ARHGAP17: variants seen among roughly 807,000 people sequenced by gnomAD.
ARHGAP17 encodes Rho GTPase activating protein 17, also known as rho GTPase-activating protein 17.
In ARHGAP17, 57 loss-of-function variants were observed where a neutral mutation model predicts 99.5. The observed-to-expected ratio is 0.57, with a 90% CI of 0.46 to 0.71. ARHGAP17 has a LOEUF of 0.71. Among genes scored for constraint, ARHGAP17 ranks in the 30% least tolerant of loss-of-function variants. The pLI is 0.00. For missense variants in ARHGAP17, 1,000 were observed against 1,122.4 expected, an observed-to-expected ratio of 0.89 and a Z score of 1.56; for synonymous variants, 417 against 429.6, an observed-to-expected ratio of 0.97 and a Z score of 0.36.
chr16:24,996,881 T>C (rs1226236176), intron 1 of ARHGAP17, among the ~76,000 whole-genome samples: 2 of 151,406 alleles, frequency 1.3e-5, no homozygotes, highest in African/African-American at 2.4e-5. Context: ...AGGCCAGGAG[T>C]TGGAGACAAG....
intron 1 of ARHGAP17, among the ~76,000 whole-genome samples, chr16:25,009,473 G>A (rs372390944): frequency 3.3e-5 from 5 of 152,078 alleles, no homozygotes; most frequent in East Asian, 1.9e-4. Context: ...TGCTGGCAAC[G>A]TAAGGATAAG....
Position 24,935,503 on chromosome 16 carries a change from C to T in ARHGAP17, c.1861G>A (p.Ala621Thr). 1 of 1,611,288 alleles carries T rather than the reference C, an allele frequency of 6.2e-7. No individual in the cohort carries two copies. The change falls in exon 18 of 20, where the codon GCT becomes ACT. Residue 621 changes from alanine (A) to threonine (T), a missense_variant. Physicochemically the swap from Ala to Thr is moderately conservative, Grantham distance 58. Around this residue, in one of 2 missense-constraint regions of ARHGAP17, gnomAD observed 528 missense variants for 511.4 expected, o/e 1.03. Transcript: ENST00000289968. The stretch of plus-strand genomic sequence containing the variant: ...AGTGTATGCGGGCTGGGCCCTGCAG[C>T]ATTGTGAGGTTGGCCCATGGAGAGC... ...HQLSMGQPHN[A>T]AGPSPHTLRR... is the part of the protein sequence containing the mutation.
chr16:24,926,714 CACAG>C (rs1424373046), intron 19 of ARHGAP17, among the ~76,000 whole-genome samples: 2 of 152,244 alleles, frequency 1.3e-5, no homozygotes, highest in Non-Finnish European at 2.9e-5. Flanking sequence ...ACTAACGCCT[CACAG>C]ACAGTCTCAG....
chr16:25,007,870 T>C (rs559639422), intron 1 of ARHGAP17, among the ~76,000 whole-genome samples: 1 of 152,316 alleles, frequency 6.6e-6, no homozygotes, highest in East Asian at 1.9e-4. Context: ...GTAGCTTCAC[T>C]ACTCCCACGT....
intron 1 of ARHGAP17, among the ~76,000 whole-genome samples, chr16:25,002,319 A>C (rs2053382536): frequency 6.6e-6 from 1 of 151,992 alleles, no homozygotes; most frequent in Non-Finnish European, 1.5e-5. Context: ...CAGCCCAAAC[A>C]TGGTGTTCAA....
chr16:25,012,498 C>T (rs778210459), intron 1 of ARHGAP17, among the ~76,000 whole-genome samples: 15 of 152,210 alleles, frequency 9.9e-5, no homozygotes, highest in Non-Finnish European at 1.8e-4. Context: ...ACCTAGATCG[C>T]AGGGGCGAAA....
At chr16:24,982,957 T>C (rs1473709991) in intron 1 of ARHGAP17, among the ~76,000 whole-genome samples, 4 of 124,072 alleles carry the variant, frequency 3.2e-5, no homozygotes, top group Non-Finnish European at 6.7e-5. Context: ...AAATAATACT[T>C]GATAAATCAT....
intron 1 of ARHGAP17, among the ~76,000 whole-genome samples, chr16:25,007,356 C>T (rs1041918193): frequency 1.3e-5 from 2 of 152,102 alleles, no homozygotes; most frequent in Admixed American, 6.5e-5. Context: ...TAGTTCATTA[C>T]GAATGCCACT....
At chr16:24,957,913 A>G (rs1250787136) in intron 9 of ARHGAP17, among the ~76,000 whole-genome samples, 1 of 152,200 alleles carries the variant, frequency 6.6e-6, no homozygotes, top group African/African-American at 2.4e-5. Context: ...GGCAGGTCAC[A>G]CTTTTTTTAT....
At chr16:25,005,614 G>C (rs1175732976) in intron 1 of ARHGAP17, among the ~76,000 whole-genome samples, 1 of 152,160 alleles carries the variant, frequency 6.6e-6, no homozygotes, top group African/African-American at 2.4e-5. Context: ...TCATTTGACA[G>C]GTTCTCAAGA....
intron 1 of ARHGAP17, among the ~76,000 whole-genome samples, chr16:24,988,922 G>A (rs1290175735): frequency 6.6e-6 from 1 of 152,174 alleles, no homozygotes; most frequent in Non-Finnish European, 1.5e-5. Flanking sequence ...GGACCTGGAG[G>A]CAGCTGAGTT....
At chr16:24,962,332 T>C (rs1211575458) in intron 7 of ARHGAP17, among the ~76,000 whole-genome samples, 1 of 152,136 alleles carries the variant, frequency 6.6e-6, no homozygotes, top group Non-Finnish European at 1.5e-5. Context: ...TGCATAAAGA[T>C]AAGATTCCTG....
At chr16:25,013,039 A>C (rs2053683200) in intron 1 of ARHGAP17, among the ~76,000 whole-genome samples, 1 of 152,234 alleles carries the variant, frequency 6.6e-6, no homozygotes, top group Non-Finnish European at 1.5e-5. Context: ...AGGACTCTCA[A>C]GGTATTTATC....
chr16:24,943,366 C>G (rs1193932490), intron 15 of ARHGAP17, among the ~76,000 whole-genome samples: 1 of 152,218 alleles, frequency 6.6e-6, no homozygotes, highest in Non-Finnish European at 1.5e-5. Flanking sequence ...AAAAACCAAT[C>G]CCTGGTTCCC....
chr16:24,962,091 TATA>T (rs1187661961), intron 7 of ARHGAP17, among the ~76,000 whole-genome samples: 1 of 151,294 alleles, frequency 6.6e-6, no homozygotes, highest in East Asian at 1.9e-4. Context: ...AACATCCTTT[TATA>T]ATAACTGGGA....
intron 19 of ARHGAP17, among the ~76,000 whole-genome samples, chr16:24,921,480 T>C (rs1338731109): frequency 6.6e-6 from 1 of 152,196 alleles, no homozygotes; most frequent in Non-Finnish European, 1.5e-5. Flanking sequence ...CTGTCTGTCC[T>C]TGACGGGAGC....
chr16:24,943,216 G>A (rs1387879304), intron 15 of ARHGAP17, among the ~76,000 whole-genome samples: 1 of 152,198 alleles, frequency 6.6e-6, no homozygotes, highest in Non-Finnish European at 1.5e-5. Context: ...CCCTGACACA[G>A]CCAACTCAGG....
chr16:25,006,638 G>A (rs2053514790), intron 1 of ARHGAP17, among the ~76,000 whole-genome samples: 1 of 152,174 alleles, frequency 6.6e-6, no homozygotes, highest in African/African-American at 2.4e-5. Flanking sequence ...CATAGGCGTT[G>A]CAGGCCATAT....
At chr16:25,010,046 C>A (rs1356963905) in intron 1 of ARHGAP17, among the ~76,000 whole-genome samples, 1 of 151,952 alleles carries the variant, frequency 6.6e-6, no homozygotes. Flanking sequence ...AGTAACTGTG[C>A]AAACTTAGAA....
Sources: gnomAD v4.1 joint callset for allele counts (sites outside exome capture counted in the v4.1 genomes callset) on GRCh38, gnomAD v4.1.1 for gene constraint, gnomAD v4.1.1 regional missense constraint, MANE v1.5 for transcripts, NCBI Gene and HGNC (gene_info 2026-07-23, HGNC 2026-07-21) for gene names.